ZBTB17: variants seen among roughly 807,000 people sequenced by gnomAD.
ZBTB17 encodes the protein zinc finger and BTB domain containing 17.
In ZBTB17, 24 loss-of-function variants were observed where a neutral mutation model predicts 85.1. The ratio of observed to expected loss-of-function variants is 0.28; its 90% CI spans 0.20 to 0.40. The LOEUF (loss-of-function observed/expected upper bound fraction) is 0.40, where lower values mean the gene tolerates loss of function less well. Among genes scored for constraint, ZBTB17 ranks in the 10% least tolerant of loss-of-function variants. ZBTB17 has a pLI of 1.00. For synonymous variants in ZBTB17, 464 were observed against 460.2 expected (o/e 1.01, Z -0.11); for missense variants, 743 against 1,105.1 (o/e 0.67, Z 4.65).
At chr1:15,961,633 ACAAACAG>A (rs1435572409) in intron 2 of ZBTB17, among the ~76,000 whole-genome samples, 3 of 152,226 alleles carry the variant, frequency 2.0e-5, no homozygotes, top group African/African-American at 7.2e-5. Context: ...TCGCCCTTCA[ACAAACAG>A]CGCTGCTGAC....
chr1:15,944,862 G>C, intron 7 of ZBTB17, 23 bp from the exon 8 acceptor site: 3 of 1,578,208 alleles, frequency 1.9e-6, no homozygotes, highest in Non-Finnish European at 2.6e-6. Context: ...CGGGGAAGCG[G>C]GGTGTGAGGA....
intron 2 of ZBTB17, among the ~76,000 whole-genome samples, chr1:15,971,483 T>C (rs111916524): frequency 0.033 from 2,811 of 85,956 alleles, 121 homozygotes; most frequent in Non-Finnish European, 0.043. Flanking sequence ...ACTATATATA[T>C]ACACACACTA....
chr1:15,943,940 C>T (rs2071469572), intron 9 of ZBTB17, 45 bp from the exon 10 acceptor site: 1 of 1,533,146 alleles, frequency 6.5e-7, no homozygotes, highest in Non-Finnish European at 8.8e-7. Context: ...CAGAGCTCGG[C>T]CCCGGGCCCC....
intron 2 of ZBTB17, among the ~76,000 whole-genome samples, chr1:15,955,653 T>C (rs1273574967): frequency 1.3e-5 from 2 of 152,238 alleles, no homozygotes; most frequent in Non-Finnish European, 2.9e-5. Context: ...CAACTACCGC[T>C]ATCTTTCAGA....
intron 2 of ZBTB17, among the ~76,000 whole-genome samples, chr1:15,949,896 A>G (rs1429076347): frequency 6.6e-6 from 1 of 152,184 alleles, no homozygotes; most frequent in Non-Finnish European, 1.5e-5. Context: ...CGCAACAAAT[A>G]ACGGGGAGCA....
At chr1:15,944,642 C>T (rs763390768) in intron 8 of ZBTB17, 42 bp from the exon 9 acceptor site, 7 of 1,600,950 alleles carry the variant, frequency 4.4e-6, no homozygotes, top group Admixed American at 3.3e-5. Context: ...CTCGCTGGGG[C>T]GTGAAAGGCC....
chr1:15,945,788 C>G lies in ZBTB17; in HGVS notation c.588G>C (p.Glu196Asp). 1 of 1,605,352 alleles carries G rather than the reference C, an allele frequency of 6.2e-7. No homozygotes were observed. Among genetic ancestry groups the G allele is most frequent in the Non-Finnish European group, 8.5e-7 (1 of 1,179,462 alleles). ...TGCCACTCGTGGGGTCTGGCTTGAG[C>G]TCCACAGGCGGCGGCTCCCGGGGCG... ...ADAPREPPPV[E>D]LKPDPTSGMA... The change falls in exon 6 of 16, where the codon GAG (glutamate) becomes GAC (aspartate). Residue 196 changes from glutamate to aspartate, a missense_variant. Around this residue, in one of 4 missense-constraint regions of ZBTB17, gnomAD observed 279 missense variants for 269.9 expected, o/e 1.03. Coordinates refer to ENST00000375743, the MANE Select transcript of ZBTB17 (RefSeq NM_003443.3).
At chr1:15,960,937 A>AC (rs1402603111) in intron 2 of ZBTB17, among the ~76,000 whole-genome samples, 1 of 152,046 alleles carries the variant, frequency 6.6e-6, no homozygotes, top group East Asian at 1.9e-4. Context: ...ACATGGTGAG[A>AC]CCCCATCTCC....
chr1:15,962,070 G>C (rs1313162311), intron 2 of ZBTB17, among the ~76,000 whole-genome samples: 1 of 152,096 alleles, frequency 6.6e-6, no homozygotes, highest in Non-Finnish European at 1.5e-5. Flanking sequence ...AGCCGGGTGT[G>C]GTGGCAGGTG....
intron 2 of ZBTB17, among the ~76,000 whole-genome samples, chr1:15,960,204 C>T (rs2072208352): frequency 6.6e-6 from 1 of 152,216 alleles, no homozygotes; most frequent in South Asian, 2.1e-4. Flanking sequence ...TAGTTAAGTG[C>T]CTCAGGCAGG....
At position 15,942,434 on chromosome 1, in the gene ZBTB17, C is replaced by A; in HGVS notation, c.2039-14G>T. 6.2e-7 allele frequency: 1 copy of A among 1,612,934 alleles called. No individual in the cohort carries two copies. ...CCACCGGCACCACTGCGGGCAGAGT[C>A]GCAGGGCCTAAGGTGAAGGCACGGG... is the stretch of plus-strand genomic sequence containing the variant. On this transcript the variant is annotated splice_polypyrimidine_tract_variant and intron_variant, in intron 14 of 15. Coordinates refer to ENST00000375743, the MANE Select transcript of ZBTB17 (RefSeq NM_003443.3).
chr1:15,949,209 C>A (rs2071735612), intron 2 of ZBTB17, among the ~76,000 whole-genome samples: 1 of 152,220 alleles, frequency 6.6e-6, no homozygotes, highest in African/African-American at 2.4e-5. Flanking sequence ...GCCACAACTT[C>A]TCTGTCAAGG....
intron 2 of ZBTB17, among the ~76,000 whole-genome samples, chr1:15,971,833 C>T (rs1448521918): frequency 6.6e-6 from 1 of 151,658 alleles, no homozygotes; most frequent in Non-Finnish European, 1.5e-5. Context: ...AAAAGGCTTG[C>T]TGTCTGATGT....
intron 2 of ZBTB17, among the ~76,000 whole-genome samples, chr1:15,961,649 A>G (rs1570177987): frequency 6.6e-6 from 1 of 152,146 alleles, no homozygotes; most frequent in South Asian, 2.1e-4. Flanking sequence ...AGCGCTGCTG[A>G]CCTCCAGCCC....
chr1:15,943,769 G>GC (rs767447273), intron 10 of ZBTB17, 39 bp downstream of exon 10: 46 of 1,612,502 alleles, frequency 2.9e-5, no homozygotes, highest in Non-Finnish European at 3.8e-5. Flanking sequence ...TGGCCGAGGA[G>GC]CAGGGGTGTG....
Position 15,948,295 on chromosome 1 carries a change from C to A in ZBTB17, c.201G>T (p.Ala67=). ...KDVVHLDISN[A]AGLGQVLEFM... ...GCCCCAGCCCTGACGGGGTACCTGC[C>A]GCGTTACTGATGTCCAGGTGCACCA... The change falls in exon 3 of 16, where the codon GCG becomes GCT. Residue 67 remains alanine, a synonymous_variant. Coordinates refer to ENST00000375743, the MANE Select transcript of ZBTB17 (RefSeq NM_003443.3). 6.2e-7 allele frequency: 1 copy of A among 1,613,820 alleles called. No individual in the cohort carries two copies. Among genetic ancestry groups the A allele is most frequent in the Non-Finnish European group, 8.5e-7 (1 of 1,180,048 alleles).
At chr1:15,970,487 G>GTTCAAGTGA (rs5772655) in intron 2 of ZBTB17, among the ~76,000 whole-genome samples, 42,704 of 151,204 alleles carry the variant, frequency 0.28, 6,465 homozygotes, top group Non-Finnish European at 0.32. Context: ...CGCCTCCCGG[G>GTTCAAGTGA]TTCTCCTGCC....
chr1:15,943,500 ACACTGG>A lies in ZBTB17; in HGVS notation c.1590_1595del (p.Gln531_Cys532del). 1.2e-6 allele frequency: 2 copies of A among 1,610,334 alleles called. No individual in the cohort carries two copies. The highest frequency in any genetic ancestry group is 1.7e-6 in the Non-Finnish European group (2 of 1,177,554). On this transcript the variant is annotated inframe_deletion, in exon 12 of 16. Coordinates refer to ENST00000375743, the MANE Select transcript of ZBTB17 (RefSeq NM_003443.3). Reference sequence around the variant, plus strand: ...GGGTGAAGGCCTTACCGCACATCACACACTGGCATGGCTTCTCACCTGGGGACCGGG... The same window carrying A: ...GGGTGAAGGCCTTACCGCACATCACACATGGCTTCTCACCTGGGGACCGGG...
At chr1:15,954,558 C>A (rs1557784543) in intron 2 of ZBTB17, among the ~76,000 whole-genome samples, 1 of 152,144 alleles carries the variant, frequency 6.6e-6, no homozygotes, top group Non-Finnish European at 1.5e-5. Flanking sequence ...ACAGGTGGAT[C>A]AACATAAACT....
Sources: gnomAD v4.1 joint callset for allele counts (sites outside exome capture counted in the v4.1 genomes callset) on GRCh38, gnomAD v4.1.1 for gene constraint, gnomAD v4.1.1 regional missense constraint, MANE v1.5 for transcripts, NCBI Gene and HGNC (gene_info 2026-07-23, HGNC 2026-07-21) for gene names.